Variants in CADM2 observed in about 807,000 individuals in gnomAD.
CADM2 encodes the protein cell adhesion molecule 2.
CADM2 carries 12 observed loss-of-function variants against 49.8 expected under a neutral mutation model. That is an observed-to-expected ratio of 0.24 (90% CI 0.15 to 0.39). CADM2 has a LOEUF of 0.39. Ranked by LOEUF, CADM2 falls within the 10% of genes least tolerant of loss-of-function variation. The probability of loss-of-function intolerance (pLI) is 1.00; values close to 1 mark genes in which losing one functional copy is unlikely to be tolerated. For synonymous variants in CADM2, 214 were observed against 175.4 expected (o/e 1.22, Z -1.74); for missense variants, 378 against 492.3 (o/e 0.77, Z 2.20).
intron 3 of CADM2, among the ~76,000 whole-genome samples, chr3:85,868,845 TAC>T (rs1280864393): frequency 1.3e-5 from 2 of 152,216 alleles, no homozygotes; most frequent in African/African-American, 4.8e-5. Flanking sequence ...GCACTGCATT[TAC>T]ATAGCTTTGA....
chr3:85,140,114 A>G (rs1306073382), intron 1 of CADM2, among the ~76,000 whole-genome samples: 4 of 152,174 alleles, frequency 2.6e-5, no homozygotes, highest in East Asian at 1.9e-4. Context: ...GAAAGCCATC[A>G]GGTTAAAAGA....
chr3:85,223,378 G>A (rs1257656522), intron 1 of CADM2, among the ~76,000 whole-genome samples: 1 of 152,058 alleles, frequency 6.6e-6, no homozygotes, highest in East Asian at 1.9e-4. Context: ...TATATCTATT[G>A]CCTCTGTAAC....
intron 1 of CADM2, among the ~76,000 whole-genome samples, chr3:85,227,544 G>A (rs1409773081): frequency 6.7e-6 from 1 of 148,640 alleles, no homozygotes; most frequent in African/African-American, 2.5e-5. Flanking sequence ...CATGTGAGAT[G>A]AGTCTCCTGA....
chr3:85,274,331 C>T (rs1221880901), intron 1 of CADM2, among the ~76,000 whole-genome samples: 3 of 151,262 alleles, frequency 2.0e-5, no homozygotes, highest in Non-Finnish European at 4.4e-5. Flanking sequence ...AAAAAATGTA[C>T]TAAAGAGAGA....
chr3:85,908,184 G>A lies in CADM2; in HGVS notation c.530-4189G>A, dbSNP rs1032730447. On this transcript the variant is annotated intron_variant, in intron 5 of 9. Transcript: ENST00000383699. ...GAAAGATGGATATGAAAGTATCTCC[G>A]GAAATATGATATTTTGTGAAAAAAA... Among the ~76,000 whole-genome samples the A allele has an allele frequency of 1.7e-4, 25 of 149,792 alleles. 1 individual carries two copies. In the South Asian group the frequency reaches 2.3e-3, roughly 14 times the overall value.
At chr3:85,249,913 C>T (rs2042736718) in intron 1 of CADM2, among the ~76,000 whole-genome samples, 1 of 151,660 alleles carries the variant, frequency 6.6e-6, no homozygotes, top group Admixed American at 6.6e-5. Context: ...TTGAAACGGC[C>T]TCTATGAAAG....
At chr3:85,328,386 C>T (rs2044814194) in intron 1 of CADM2, among the ~76,000 whole-genome samples, 2 of 152,144 alleles carry the variant, frequency 1.3e-5, no homozygotes, top group Non-Finnish European at 2.9e-5. Flanking sequence ...AATCTTTGCT[C>T]ATATAAACTG....
At chr3:85,449,084 A>G (rs1275259883) in intron 1 of CADM2, among the ~76,000 whole-genome samples, 2 of 144,406 alleles carry the variant, frequency 1.4e-5, no homozygotes, top group African/African-American at 4.9e-5. Flanking sequence ...AATGATAAAA[A>G]TTATATAATT....
chr3:85,413,064 C>T (rs945626216), intron 1 of CADM2, among the ~76,000 whole-genome samples: 1 of 139,604 alleles, frequency 7.2e-6, no homozygotes, highest in African/African-American at 2.7e-5. Context: ...TGGTGTGAAC[C>T]CGGAAGGCGG....
chr3:85,357,228 T>C (rs1193287093), intron 1 of CADM2, among the ~76,000 whole-genome samples: 4 of 152,134 alleles, frequency 2.6e-5, no homozygotes, highest in African/African-American at 9.7e-5. Context: ...TAGCAAACTG[T>C]AGAAATTGTC....
At chr3:85,183,948 GAT>G (rs1272014788) in intron 1 of CADM2, among the ~76,000 whole-genome samples, 2 of 152,068 alleles carry the variant, frequency 1.3e-5, no homozygotes, top group African/African-American at 4.8e-5. Context: ...TAAAATAAGA[GAT>G]AAGTTAAAAT....
At chr3:85,436,668 A>G (rs1049301641) in intron 1 of CADM2, among the ~76,000 whole-genome samples, 24 of 152,336 alleles carry the variant, frequency 1.6e-4, no homozygotes, top group African/African-American at 5.8e-4. Flanking sequence ...CAGAAATTCT[A>G]TAAATCAAAC....
chr3:85,398,401 G>A (rs2034906931), intron 1 of CADM2, among the ~76,000 whole-genome samples: 1 of 152,042 alleles, frequency 6.6e-6, no homozygotes, highest in African/African-American at 2.4e-5. Context: ...AATCCAGTCT[G>A]TCATTGATGG....
chr3:85,891,487 G>A (rs1267732683), intron 5 of CADM2, among the ~76,000 whole-genome samples: 4 of 152,226 alleles, frequency 2.6e-5, no homozygotes, highest in South Asian at 2.1e-4. Flanking sequence ...TGATTGCCTC[G>A]AATATGATAC....
chr3:85,822,378 G>A (rs1002604631), intron 3 of CADM2, among the ~76,000 whole-genome samples: 2 of 152,094 alleles, frequency 1.3e-5, no homozygotes, highest in African/African-American at 4.8e-5. Context: ...GAGGTCAGGA[G>A]TTCAAGACCA....
intron 1 of CADM2, among the ~76,000 whole-genome samples, chr3:85,092,087 T>C (rs2107525474): frequency 6.6e-6 from 1 of 152,338 alleles, no homozygotes; most frequent in African/African-American, 2.4e-5. Context: ...TTCGCTCTTT[T>C]GTTGGTAGCT....
chr3:85,583,678 T>C (rs2062856903), intron 1 of CADM2, among the ~76,000 whole-genome samples: 1 of 152,100 alleles, frequency 6.6e-6, no homozygotes, highest in African/African-American at 2.4e-5. Flanking sequence ...TTTTAAATAA[T>C]CTGTAAAGCA....
In CADM2 at chr3:86,066,332, CAAAAAAAA is replaced by C. The variant is rs10663610; in HGVS notation, c.1097-314_1097-307del. 1.1e-3 allele frequency among the ~76,000 whole-genome samples: 34 copies of C among 30,360 alleles called. 1 individual carries two copies. The highest frequency in any genetic ancestry group is 3.0e-3 in the African/African-American group (14 of 4,672). The allele number at this position is 30,360 out of a possible 152,430, so 19.9% of individuals were successfully genotyped here. ...TGGGCGAGAGAGCGAGACTCCGTCTCAAAAAAAAAAAAAAAAAAAAAAAAAAGATCTTA... is the reference window on the plus strand; with the variant it reads ...TGGGCGAGAGAGCGAGACTCCGTCTCAAAAAAAAAAAAAAAAAAGATCTTA... On this transcript the variant is annotated intron_variant, in intron 9 of 9. Coordinates refer to ENST00000383699, the MANE Select transcript of CADM2 (RefSeq NM_001167675.2).
At chr3:85,201,560 AC>A (rs2107746816) in intron 1 of CADM2, among the ~76,000 whole-genome samples, 1 of 152,208 alleles carries the variant, frequency 6.6e-6, no homozygotes, top group Admixed American at 6.5e-5. Flanking sequence ...GATTGACTCC[AC>A]CTTTCATTAA....
Sources: allele counts gnomAD v4.1 joint callset (sites outside exome capture counted in the v4.1 genomes callset), GRCh38; gene constraint gnomAD v4.1.1; transcripts MANE v1.5; gene names NCBI Gene and HGNC (gene_info 2026-07-23, HGNC 2026-07-21).